The following ZNF638 variants were observed in gnomAD, a reference collection of about 807,000 sequenced individuals.
ZNF638 encodes CTCL tumor antigen se33-1.
ZNF638 carries 46 observed loss-of-function variants against 195.6 expected under a neutral mutation model. The observed-to-expected ratio is 0.24, with a 90% confidence interval of 0.19 to 0.30. ZNF638 has a LOEUF of 0.30. ZNF638 is among the 10% of genes least tolerant of loss of function. ZNF638 has a pLI of 1.00. For missense variants in ZNF638, 2,440 were observed against 2,325.3 expected (o/e 1.05, Z -1.01); for synonymous variants, 845 against 772.0 (o/e 1.09, Z -1.57).
intron 13 of ZNF638, 108 bp downstream of exon 13, chr2:71,399,753 G>C (rs2079968537): frequency 2.4e-6 from 2 of 833,634 alleles, no homozygotes; most frequent in South Asian, 3.5e-5. Flanking sequence ...ACGTGTCATG[G>C]GGGTTTGTTG....
intron 10 of ZNF638, among the ~76,000 whole-genome samples, chr2:71,384,816 T>G (rs1308645739): frequency 5.3e-5 from 8 of 152,358 alleles, no homozygotes; most frequent in African/African-American, 1.9e-4. Context: ...GAATGTTTAT[T>G]GTGAAAATTT....
rs893089215 is a variant in ZNF638 at position 71,400,478 on chromosome 2, A to T, written c.2657A>T (p.Asp886Val). The T allele has an allele frequency of 4.4e-6, 7 of 1,604,764 alleles. No homozygotes were observed. In the African/African-American group the frequency reaches 9.4e-5, roughly 22 times the overall value. ...TENCAKEAISDAALEATENEP... is the reference protein window; with the variant it reads ...TENCAKEAISVAALEATENEP... Reference sequence around the variant, plus strand: ...GTTTTTAATTTTATTTTGTATTAAGATGCTGCTTTGGAGGCCACAGAGAAT... The same window carrying T: ...GTTTTTAATTTTATTTTGTATTAAGTTGCTGCTTTGGAGGCCACAGAGAAT... Residue 886 changes from aspartate (D) to valine (V), a missense_variant and splice_region_variant, in exon 15 of 28, where the codon GAT (aspartate) becomes GTT (valine). By Grantham distance (152) the Asp-to-Val change is radical. Transcript: ENST00000264447.
chr2:71,354,429 A>G (rs2078990219), intron 2 of ZNF638, among the ~76,000 whole-genome samples: 1 of 151,932 alleles, frequency 6.6e-6, no homozygotes, highest in Non-Finnish European at 1.5e-5. Context: ...TTGTAAATGA[A>G]GTAATGTATA....
intron 10 of ZNF638, among the ~76,000 whole-genome samples, chr2:71,382,175 C>G (rs1262949763): frequency 6.6e-6 from 1 of 152,108 alleles, no homozygotes; most frequent in Non-Finnish European, 1.5e-5. Context: ...GGAAAACTCA[C>G]AGTGGTGCCT....
chr2:71,364,181 T>A lies in ZNF638; in HGVS notation c.1646T>A (p.Phe549Tyr). 1 of 1,614,144 alleles carries A rather than the reference T, an allele frequency of 6.2e-7. No homozygotes were observed. Among genetic ancestry groups the A allele is most frequent in the Non-Finnish European group, 8.5e-7 (1 of 1,180,032 alleles). The stretch of plus-strand genomic sequence containing the variant: ...TCACCATATCGAATTAGAAATCCAT[T>A]TAGAGGTAGTCCAAAATGCTTTCGA... The part of the protein sequence containing the change: ...SRSPYRIRNP[F>Y]RGSPKCFRSV... The change falls in exon 5 of 28, where the codon TTT (phenylalanine) becomes TAT (tyrosine). Residue 549 changes from phenylalanine (F) to tyrosine (Y), a missense_variant. Phe to Tyr is a conservative substitution (Grantham distance 22). Around this residue, in one of 5 missense-constraint regions of ZNF638, gnomAD observed 1,883 missense variants for 1,739.1 expected, o/e 1.08. Coordinates refer to ENST00000264447, the MANE Select transcript of ZNF638 (RefSeq NM_014497.5).
At chr2:71,418,755 T>G (rs1453568121) in intron 21 of ZNF638, 116 bp downstream of exon 21, 2 of 681,990 alleles carry the variant, frequency 2.9e-6, no homozygotes, top group Non-Finnish European at 4.6e-6. Flanking sequence ...GCATATTTAT[T>G]TTGTGTACAT....
chr2:71,387,448 A>G (rs944453066), intron 10 of ZNF638, among the ~76,000 whole-genome samples: 2 of 152,110 alleles, frequency 1.3e-5, no homozygotes, highest in African/African-American at 4.8e-5. Context: ...AGGTGGCTGG[A>G]TCACTTGAGG....
Position 71,368,455 on chromosome 2 carries a change from A to C in ZNF638, c.2069A>C (p.Glu690Ala), listed in dbSNP as rs1344287725. 4 of 1,613,692 alleles carry C rather than the reference A, an allele frequency of 2.5e-6. No individual in the cohort carries two copies. Among genetic ancestry groups the C allele is most frequent in the South Asian group, 1.1e-5 (1 of 91,066 alleles). Residue 690 changes from glutamate (E) to alanine (A), a missense_variant, in exon 7 of 28, where the codon GAA becomes GCA. Physicochemically the swap from Glu to Ala is moderately radical, Grantham distance 107. Coordinates refer to ENST00000264447, the MANE Select transcript of ZNF638 (RefSeq NM_014497.5). ...ITELPEDGCT[E>A]EDVRKLFQPF... The stretch of plus-strand genomic sequence containing the variant: ...GAATTACCAGAGGATGGTTGTACTG[A>C]AGAAGATGTGAGAAAATTATTTCAA...
At chr2:71,419,271 A>G (rs965000826) in intron 21 of ZNF638, among the ~76,000 whole-genome samples, 19 of 152,146 alleles carry the variant, frequency 1.2e-4, no homozygotes, top group African/African-American at 3.9e-4. Flanking sequence ...CCAGTTGATG[A>G]CTTGCCTTTC....
At chr2:71,351,962 A>G (rs1024069229) in intron 2 of ZNF638, among the ~76,000 whole-genome samples, 1 of 152,230 alleles carries the variant, frequency 6.6e-6, no homozygotes, top group African/African-American at 2.4e-5. Flanking sequence ...CAATTTGCCA[A>G]TTTAATTATT....
Position 71,380,181 on chromosome 2 carries a change from T to C in ZNF638, c.2266-41T>C, listed in dbSNP as rs369850324. The C allele has an allele frequency of 2.0e-5, 25 of 1,271,798 alleles. No homozygotes were observed. In the African/African-American group the frequency reaches 3.6e-4, roughly 18 times the overall value. 78.8% of individuals were successfully genotyped at this position (1,271,798 alleles called of 1,614,324 possible). ...TTGTTCTATATTTTCTAAATTGCTT[T>C]ATACTAAATTTCTTTTGTTCAAAAT... On this transcript the variant is annotated intron_variant, in intron 8 of 27. Coordinates refer to ENST00000264447, the MANE Select transcript of ZNF638 (RefSeq NM_014497.5).
intron 16 of ZNF638, among the ~76,000 whole-genome samples, chr2:71,403,317 TTAAC>T (rs1421035871): frequency 1.3e-5 from 2 of 152,162 alleles, no homozygotes; most frequent in Non-Finnish European, 2.9e-5. Flanking sequence ...TTCTACCTCA[TTAAC>T]TATCAAATAT....
intron 14 of ZNF638, 70 bp from the exon 15 acceptor site, chr2:71,400,408 A>G: frequency 6.9e-7 from 1 of 1,448,686 alleles, no homozygotes; most frequent in Non-Finnish European, 9.5e-7. Flanking sequence ...CTACTGTTTA[A>G]CCTATTGTGG....
intron 8 of ZNF638, among the ~76,000 whole-genome samples, chr2:71,371,664 T>C (rs1487050753): frequency 6.7e-6 from 1 of 149,178 alleles, no homozygotes; most frequent in East Asian, 1.9e-4. Flanking sequence ...AAATGTTTCT[T>C]CAGATCTTTT....
chr2:71,395,344 CAA>C, intron 10 of ZNF638: 2 of 713,790 alleles, frequency 2.8e-6, no homozygotes, highest in Admixed American at 2.0e-5. Flanking sequence ...ATGCAAAAAA[CAA>C]AAGGGGGAGA....
intron 23 of ZNF638, among the ~76,000 whole-genome samples, chr2:71,425,723 G>A (rs1321018315): frequency 6.6e-6 from 1 of 152,082 alleles, no homozygotes; most frequent in African/African-American, 2.4e-5. Context: ...AGGCTGGAGT[G>A]CAATGGCGTG....
Position 71,349,245 on chromosome 2 carries a change from G to C in ZNF638, c.291G>C (p.Gly97=). 1 of 1,614,186 alleles carries C rather than the reference G, an allele frequency of 6.2e-7. No individual in the cohort carries two copies. Among genetic ancestry groups the C allele is most frequent in the Non-Finnish European group, 8.5e-7 (1 of 1,180,040 alleles). ...TTCATGAAGCACAACAGAAGAAGGG[G>C]AAGCCTCATGGTAGCCGGTGGGATG... ...LDFHEAQQKK[G]KPHGSRWDDE... Residue 97 remains glycine, a synonymous_variant, in exon 2 of 28, where the codon GGG becomes GGC. Coordinates refer to ENST00000264447, the MANE Select transcript of ZNF638 (RefSeq NM_014497.5).
chr2:71,354,272 T>C (rs886439445), intron 2 of ZNF638, among the ~76,000 whole-genome samples: 3 of 152,190 alleles, frequency 2.0e-5, no homozygotes, highest in African/African-American at 7.2e-5. Context: ...CAGTAAAACA[T>C]TGAGTAACAT....
At position 71,423,653 on chromosome 2, in the gene ZNF638, G is replaced by C; in HGVS notation, c.4139G>C (p.Ser1380Thr). 6.2e-7 allele frequency: 1 copy of C among 1,613,776 alleles called. No homozygotes were observed. The highest frequency in any genetic ancestry group is 8.5e-7 in the Non-Finnish European group (1 of 1,179,994). Residue 1380 changes from serine to threonine, a missense_variant, in exon 22 of 28, where the codon AGT (serine) becomes ACT (threonine). Coordinates refer to ENST00000264447, the MANE Select transcript of ZNF638 (RefSeq NM_014497.5). ...ANKPDETSKTSILAVSDVSSS... is the reference protein window; with the variant it reads ...ANKPDETSKTTILAVSDVSSS... Reference sequence around the variant, plus strand: ...AAGCCTGATGAAACTAGTAAAACTAGTATTCTGGCTGTATCAGATGTATCT... The same window carrying C: ...AAGCCTGATGAAACTAGTAAAACTACTATTCTGGCTGTATCAGATGTATCT...
Sources: gnomAD v4.1 joint callset for allele counts (sites outside exome capture counted in the v4.1 genomes callset) on GRCh38, gnomAD v4.1.1 for gene constraint, gnomAD v4.1.1 regional missense constraint, MANE v1.5 for transcripts, NCBI Gene and HGNC (gene_info 2026-07-23, HGNC 2026-07-21) for gene names.